ZDHHC11B: variants seen among roughly 807,000 people sequenced by gnomAD.
ZDHHC11B encodes probable palmitoyltransferase ZDHHC11B.
In ZDHHC11B, 17 loss-of-function variants were observed where a neutral mutation model predicts 42.3. The ratio of observed to expected loss-of-function variants is 0.40; its 90% CI spans 0.27 to 0.60. ZDHHC11B has a LOEUF of 0.60. Ranked by LOEUF, ZDHHC11B falls within the 20% of genes least tolerant of loss-of-function variation. The pLI is 0.41. For missense variants in ZDHHC11B, 262 were observed against 463.2 expected (o/e 0.57, Z 3.99); for synonymous variants, 123 against 193.5 (o/e 0.64, Z 3.02).
At chr5:760,065 TG>T (rs1426895116) in intron 4 of ZDHHC11B, among the ~76,000 whole-genome samples, 10 of 150,728 alleles carry the variant, frequency 6.6e-5, no homozygotes, top group Admixed American at 1.3e-4. Flanking sequence ...AGGTGTGGAG[TG>T]GGGGGTACAG....
rs1290880349 is a variant in ZDHHC11B at position 754,290 on chromosome 5, G to T, written c.503+708C>A. 9.5e-4 allele frequency among the ~76,000 whole-genome samples: 120 copies of T among 125,766 alleles called. 1 individual carries two copies. The highest frequency in any genetic ancestry group is 4.3e-3 in the Middle Eastern group (1 of 230). The allele number at this position is 125,766 out of a possible 152,430, so 82.5% of individuals were successfully genotyped here. ...GTCTATGAGCCTCCACCGTGCTCAG[G>T]GGAAACACCTCTCGCCTATGAGCCT... On this transcript the variant is annotated intron_variant, in intron 6 of 13. Transcript: ENST00000508859.
At chr5:772,040 C>T (rs1420674760) in intron 1 of ZDHHC11B, among the ~76,000 whole-genome samples, 11 of 152,162 alleles carry the variant, frequency 7.2e-5, no homozygotes, top group Admixed American at 3.9e-4. Context: ...GGACATAAAA[C>T]GTCCTGCCCT....
At chr5:752,415 A>C (rs1745894819) in intron 6 of ZDHHC11B, among the ~76,000 whole-genome samples, 1 of 94,436 alleles carries the variant, frequency 1.1e-5, no homozygotes, top group Non-Finnish European at 2.4e-5. Flanking sequence ...CATCCAGAAA[A>C]ACCAATTCTG....
chr5:780,699 G>T (rs1736893752), intron 1 of ZDHHC11B, among the ~76,000 whole-genome samples: 1 of 148,094 alleles, frequency 6.8e-6, no homozygotes, highest in Non-Finnish European at 1.5e-5. Context: ...AGGCGGCCTG[G>T]GGACACGTGG....
At chr5:774,557 C>A (rs1736310791) in intron 1 of ZDHHC11B, among the ~76,000 whole-genome samples, 1 of 152,194 alleles carries the variant, frequency 6.6e-6, no homozygotes, top group African/African-American at 2.4e-5. Flanking sequence ...GAGCCTGGAG[C>A]CTGTAACTAC....
intron 4 of ZDHHC11B, among the ~76,000 whole-genome samples, chr5:761,413 G>C (rs1263717925): frequency 6.6e-6 from 1 of 151,864 alleles, no homozygotes; most frequent in Non-Finnish European, 1.5e-5. Context: ...CCAGGCTTTG[G>C]GGGTATGGGG....
chr5:777,427 G>A (rs1736606402), intron 1 of ZDHHC11B, among the ~76,000 whole-genome samples: 1 of 151,402 alleles, frequency 6.6e-6, no homozygotes, highest in Non-Finnish European at 1.5e-5. Flanking sequence ...GACCTTCGCT[G>A]CAGACCTCCC....
chr5:717,540 G>A (rs1412504077), intron 12 of ZDHHC11B, among the ~76,000 whole-genome samples: 3 of 151,748 alleles, frequency 2.0e-5, no homozygotes, highest in African/African-American at 7.3e-5. Flanking sequence ...AGTCACTAGG[G>A]ACTTCTAAAT....
chr5:784,425 A>AC (rs1177638187), intron 1 of ZDHHC11B, among the ~76,000 whole-genome samples: 8 of 151,948 alleles, frequency 5.3e-5, no homozygotes, highest in Non-Finnish European at 1.0e-4. Flanking sequence ...GCCGACGGTG[A>AC]CCCCCGCTCG....
At chr5:728,723 T>C (rs1045486379) in intron 12 of ZDHHC11B, among the ~76,000 whole-genome samples, 1 of 151,940 alleles carries the variant, frequency 6.6e-6, no homozygotes, top group Non-Finnish European at 1.5e-5. Flanking sequence ...TTCTCCCCCA[T>C]CTAAATGTTG....
intron 1 of ZDHHC11B, among the ~76,000 whole-genome samples, chr5:777,146 TTCAGATGC>T (rs1309477321): frequency 2.9e-4 from 44 of 151,934 alleles, no homozygotes; most frequent in African/African-American, 9.9e-4. Context: ...CCTTCAGATG[TTCAGATGC>T]GTCTGGAGTT....
At chr5:734,028 G>C (rs1473162108) in intron 10 of ZDHHC11B, among the ~76,000 whole-genome samples, 189 bp from the exon 11 acceptor site, 1 of 146,402 alleles carries the variant, frequency 6.8e-6, no homozygotes. Flanking sequence ...GCACACGTAA[G>C]AAGCTTCTCG....
At chr5:771,801 G>A (rs1435331854) in intron 1 of ZDHHC11B, among the ~76,000 whole-genome samples, 54 of 148,734 alleles carry the variant, frequency 3.6e-4, no homozygotes, top group African/African-American at 1.2e-3. Context: ...TCAGGGCTGC[G>A]TTCTGTGGTC....
chr5:759,198 C>A (rs1176196957), intron 4 of ZDHHC11B, among the ~76,000 whole-genome samples: 1 of 151,908 alleles, frequency 6.6e-6, no homozygotes, highest in African/African-American at 2.4e-5. Flanking sequence ...GGAACCTCCC[C>A]TAGCAACAAT....
rs866477872 is a variant in ZDHHC11B, at chr5:710,888, T to A, written c.*1402A>T. The A allele has an allele frequency of 6.7e-6, 1 of 148,578 alleles. No homozygotes were observed. Among genetic ancestry groups the A allele is most frequent in the Middle Eastern group, 5.3e-4 (1 of 1,904 alleles). 9.2% of individuals were successfully genotyped at this position (148,578 alleles called of 1,614,324 possible). On this transcript the variant is annotated 3_prime_UTR_variant, in exon 14 of 14. Coordinates refer to ENST00000508859, the MANE Select transcript of ZDHHC11B (RefSeq NM_001351303.2). ...CCATTTCCCAGTACTGTGCTCCCAA[T>A]TCCCAGTACTGTGCTCCCATTTCCC...
intron 1 of ZDHHC11B, among the ~76,000 whole-genome samples, chr5:780,846 A>C: frequency 6.6e-6 from 1 of 152,006 alleles, no homozygotes; most frequent in Non-Finnish European, 1.5e-5. Context: ...GGGCAGAGGA[A>C]ACCGGCCCTT....
intron 13 of ZDHHC11B, among the ~76,000 whole-genome samples, chr5:714,109 C>G (rs1182865095): frequency 3.7e-5 from 5 of 133,432 alleles, no homozygotes; most frequent in Non-Finnish European, 8.2e-5. Context: ...GACACGGACA[C>G]GCGCACGCGT....
intron 12 of ZDHHC11B, among the ~76,000 whole-genome samples, chr5:719,275 A>C (rs1489302223): frequency 1.3e-5 from 2 of 151,662 alleles, no homozygotes; most frequent in Non-Finnish European, 2.9e-5. Flanking sequence ...CATATAAAGA[A>C]ATAGAATAAT....
At chr5:743,146 G>C (rs1043538807) in intron 9 of ZDHHC11B, among the ~76,000 whole-genome samples, 1 of 148,760 alleles carries the variant, frequency 6.7e-6, no homozygotes, top group Non-Finnish European at 1.5e-5. Context: ...AATGATTTTA[G>C]TACCATTATT....
Sources: gnomAD v4.1 joint callset for allele counts (sites outside exome capture counted in the v4.1 genomes callset) on GRCh38, gnomAD v4.1.1 for gene constraint, MANE v1.5 for transcripts, NCBI Gene and HGNC (gene_info 2026-07-23, HGNC 2026-07-21) for gene names.